COL14A1: variants seen among roughly 807,000 people sequenced by gnomAD.
The protein encoded by COL14A1 is collagen alpha-1(XIV) chain.
Under a neutral mutation model 230.3 loss-of-function variants are expected in COL14A1, and 136 were observed. The observed-to-expected ratio is 0.59, with a 90% confidence interval of 0.51 to 0.68. The LOEUF (loss-of-function observed/expected upper bound fraction) is 0.68. Ranked by LOEUF, COL14A1 falls within the 30% of genes least tolerant of loss-of-function variation. COL14A1 has a pLI of 0.00. For missense variants in COL14A1, 1,976 were observed against 2,215.8 expected (o/e 0.89, Z 2.17); for synonymous variants, 792 against 784.1 (o/e 1.01, Z -0.17).
chr8:120,202,344 G>C (rs895884280), intron 8 of COL14A1, among the ~76,000 whole-genome samples: 1 of 152,196 alleles, frequency 6.6e-6, no homozygotes, highest in African/African-American at 2.4e-5. Context: ...CTAATGCTTT[G>C]TTGCTCAATA....
At chr8:120,290,347 GA>G (rs1462165998) in intron 34 of COL14A1, among the ~76,000 whole-genome samples, 2 of 152,124 alleles carry the variant, frequency 1.3e-5, no homozygotes, top group East Asian at 3.9e-4. Flanking sequence ...ATTTAAATCT[GA>G]GAGACTTCCA....
chr8:120,353,671 C>A (rs1822858405), intron 45 of COL14A1, among the ~76,000 whole-genome samples: 1 of 149,948 alleles, frequency 6.7e-6, no homozygotes, highest in Non-Finnish European at 1.5e-5. Flanking sequence ...CAGAGAAATG[C>A]AAATCAAAAC....
At chr8:120,194,285 A>G (rs923235906) in intron 5 of COL14A1, among the ~76,000 whole-genome samples, 21 of 152,310 alleles carry the variant, frequency 1.4e-4, no homozygotes, top group African/African-American at 4.8e-4. Flanking sequence ...TGACATAAAC[A>G]CTCAAATTAT....
intron 22 of COL14A1, among the ~76,000 whole-genome samples, chr8:120,254,668 A>G (rs146730939): frequency 1.3e-5 from 2 of 152,066 alleles, no homozygotes; most frequent in South Asian, 2.1e-4. Context: ...TTTTCTATCA[A>G]TATGCACTTC....
chr8:120,182,521 CA>C lies in COL14A1; in HGVS notation c.437-14269del, dbSNP rs1586744649. On this transcript the variant is annotated intron_variant, in intron 5 of 47. Coordinates refer to ENST00000297848, the MANE Select transcript of COL14A1 (RefSeq NM_021110.4). ...GACCAAAGTAAACATACAGCCAGAT[CA>C]TGTAGTATTATATACACAGAGCTGA... Among the ~76,000 whole-genome samples, 4 of 152,166 alleles carry C rather than the reference CA, an allele frequency of 2.6e-5. No homozygotes were observed. In the East Asian group the frequency reaches 7.8e-4, roughly 29 times the overall value.
intron 19 of COL14A1, among the ~76,000 whole-genome samples, chr8:120,238,204 C>T (rs918138393): frequency 2.6e-5 from 4 of 152,172 alleles, no homozygotes; most frequent in African/African-American, 9.7e-5. Flanking sequence ...AAGCTGCGCC[C>T]ACAGCCACCC....
At position 120,313,958 on chromosome 8, in the gene COL14A1, T is replaced by C. The variant is rs771635240; in HGVS notation, c.4482T>C (p.Ile1494=). 1 of 1,612,622 alleles carries C rather than the reference T, an allele frequency of 6.2e-7. No homozygotes were observed. The highest frequency in any genetic ancestry group is 1.7e-5 in the Admixed American group (1 of 59,828). The change falls in exon 38 of 48, where the codon ATT becomes ATC. Residue 1494 remains isoleucine (I), a synonymous_variant. Coordinates refer to ENST00000297848, the MANE Select transcript of COL14A1 (RefSeq NM_021110.4). ...GACCAGATGGCCCTCGGGGTGAAAT[T>C]GGTCTGCCAGGACCTCAGGGTCCAC... is the stretch of plus-strand genomic sequence containing the variant. ...PKGPDGPRGE[I]GLPGPQGPPG...
chr8:120,184,227 T>TGA (rs1176776995), intron 5 of COL14A1, among the ~76,000 whole-genome samples: 25 of 55,416 alleles, frequency 4.5e-4, no homozygotes, highest in African/African-American at 1.4e-3. Flanking sequence ...GGGAAGAGAT[T>TGA]TATTTATTTA....
chr8:120,359,525 A>C (rs1481504209), intron 45 of COL14A1, among the ~76,000 whole-genome samples: 1 of 152,204 alleles, frequency 6.6e-6, no homozygotes, highest in Non-Finnish European at 1.5e-5. Context: ...TATTCATGCT[A>C]AACCTGAAAT....
intron 19 of COL14A1, among the ~76,000 whole-genome samples, chr8:120,240,022 G>C (rs893548469): frequency 1.3e-5 from 2 of 151,652 alleles, no homozygotes; most frequent in Non-Finnish European, 2.9e-5. Flanking sequence ...TCCTTTTCTA[G>C]TTTCTTTCGT....
chr8:120,248,552 C>T (rs547306495), intron 21 of COL14A1, among the ~76,000 whole-genome samples: 3 of 152,230 alleles, frequency 2.0e-5, no homozygotes, highest in South Asian at 2.1e-4. Context: ...AACATTCTTA[C>T]GGTCATTAAA....
chr8:120,209,026 A>G (rs973781377), intron 11 of COL14A1, among the ~76,000 whole-genome samples: 2 of 152,206 alleles, frequency 1.3e-5, no homozygotes, highest in East Asian at 1.9e-4. Context: ...TGTAAACAAC[A>G]CTAATCACAA....
At chr8:120,370,834 AG>A (rs1395857010) in intron 47 of COL14A1, 2 of 1,351,576 alleles carry the variant, frequency 1.5e-6, no homozygotes, top group Admixed American at 4.8e-5. Context: ...TTCTAACATG[AG>A]ATTTTTTAAA....
chr8:120,146,427 C>T (rs1815091490), intron 1 of COL14A1, among the ~76,000 whole-genome samples: 1 of 141,454 alleles, frequency 7.1e-6, no homozygotes, highest in Non-Finnish European at 1.6e-5. Context: ...AATTCAGCAA[C>T]TATACCTTAC....
chr8:120,345,304 A>G (rs1822462581), intron 44 of COL14A1, 71 bp from the exon 45 acceptor site: 4 of 1,401,910 alleles, frequency 2.9e-6, no homozygotes, highest in Admixed American at 2.6e-5. Context: ...GCCTTAACAA[A>G]TGACACCCCT....
At position 120,373,067 on chromosome 8, in the gene COL14A1, A is replaced by G. The variant is rs1343404640; in HGVS notation, c.*1836A>G. Among the ~76,000 whole-genome samples, 1 of 152,182 alleles carries G rather than the reference A, an allele frequency of 6.6e-6. No individual in the cohort carries two copies. The highest frequency in any genetic ancestry group is 1.5e-5 in the Non-Finnish European group (1 of 68,024). ...TAGGGTGTGTAATCAGTTGCTTCTTATTCTGTGTCTCAGATTTCCTAGTCC... is the reference window on the plus strand; with the variant it reads ...TAGGGTGTGTAATCAGTTGCTTCTTGTTCTGTGTCTCAGATTTCCTAGTCC... On this transcript the variant is annotated 3_prime_UTR_variant, in exon 48 of 48. Transcript: ENST00000297848.
chr8:120,210,969 G>GA (rs1030301971), intron 12 of COL14A1, among the ~76,000 whole-genome samples: 29 of 142,560 alleles, frequency 2.0e-4, no homozygotes, highest in East Asian at 1.8e-3. Flanking sequence ...CTATGAAAGA[G>GA]AAAAAAAAAA....
intron 45 of COL14A1, among the ~76,000 whole-genome samples, chr8:120,357,839 C>T (rs1053554270): frequency 7.9e-5 from 12 of 152,088 alleles, no homozygotes; most frequent in African/African-American, 1.2e-4. Context: ...CAGAGGGAAA[C>T]GCAAGATGCA....
chr8:120,188,603 G>T lies in COL14A1; in HGVS notation c.437-8188G>T, dbSNP rs138530668. Among the ~76,000 whole-genome samples the T allele has an allele frequency of 4.3e-3, 653 of 152,252 alleles. 2 individuals carry two copies. The highest frequency in any genetic ancestry group is 0.018 in the South Asian group (88 of 4,828). On this transcript the variant is annotated intron_variant, in intron 5 of 47. Coordinates refer to ENST00000297848, the MANE Select transcript of COL14A1 (RefSeq NM_021110.4). ...CCATATATTGAGTGCTTTTCTTTAA[G>T]TTCAGCTGCTTAGGCATTTTTAAAA...
Sources: gnomAD v4.1 joint callset for allele counts (sites outside exome capture counted in the v4.1 genomes callset) on GRCh38, gnomAD v4.1.1 for gene constraint, MANE v1.5 for transcripts, NCBI Gene and HGNC (gene_info 2026-07-23, HGNC 2026-07-21) for gene names.